Variants in DPP10 observed in about 807,000 individuals in gnomAD.
The protein encoded by DPP10 is dipeptidyl peptidase like 10, also known as inactive dipeptidyl peptidase 10.
Under a neutral mutation model 120.9 loss-of-function variants are expected in DPP10, and 33 were observed. The ratio of observed to expected loss-of-function variants is 0.27; its 90% confidence interval spans 0.21 to 0.37. The LOEUF (loss-of-function observed/expected upper bound fraction) is 0.37. DPP10 is among the 10% of genes least tolerant of loss of function. The pLI, the probability that DPP10 is intolerant of heterozygous loss-of-function variation, is 1.00. For missense variants in DPP10, 816 were observed against 942.8 expected (o/e 0.87, Z 1.76); for synonymous variants, 337 against 326.1 (o/e 1.03, Z -0.36).
At chr2:114,682,273 A>G (rs781700093) in intron 1 of DPP10, among the ~76,000 whole-genome samples, 2 of 151,942 alleles carry the variant, frequency 1.3e-5, no homozygotes, top group African/African-American at 2.4e-5. Context: ...TGAATTTGAA[A>G]TTAGCCAAAT....
chr2:115,734,104 A>G (rs2092975077), intron 8 of DPP10, among the ~76,000 whole-genome samples: 1 of 152,188 alleles, frequency 6.6e-6, no homozygotes, highest in African/African-American at 2.4e-5. Context: ...AGAAAGTCAC[A>G]AGGCTCTCTA....
chr2:115,631,563 C>G (rs958268838), intron 5 of DPP10, among the ~76,000 whole-genome samples: 6 of 152,084 alleles, frequency 3.9e-5, no homozygotes, highest in African/African-American at 1.4e-4. Context: ...TACAAATTTT[C>G]CTCTTAACAC....
chr2:114,554,708 T>C (rs1251848573), intron 1 of DPP10, among the ~76,000 whole-genome samples: 1 of 152,216 alleles, frequency 6.6e-6, no homozygotes, highest in African/African-American at 2.4e-5. Context: ...ACATCTCCCT[T>C]ATTGCCCATT....
intron 1 of DPP10, among the ~76,000 whole-genome samples, chr2:114,946,086 C>T (rs913725826): frequency 6.6e-6 from 1 of 152,122 alleles, no homozygotes; most frequent in East Asian, 1.9e-4. Flanking sequence ...CCTGAAAAGA[C>T]ATGTCAACTA....
chr2:114,645,250 A>G (rs892439347), intron 1 of DPP10, among the ~76,000 whole-genome samples: 3 of 152,104 alleles, frequency 2.0e-5, no homozygotes, highest in Non-Finnish European at 2.9e-5. Context: ...TGTTCTCTAT[A>G]TAGTATATTT....
At chr2:115,550,195 G>T (rs2079790614) in intron 5 of DPP10, among the ~76,000 whole-genome samples, 1 of 152,066 alleles carries the variant, frequency 6.6e-6, no homozygotes. Flanking sequence ...AAAATACATA[G>T]TTATAGAATC....
chr2:115,068,176 C>T (rs953488552), intron 1 of DPP10, among the ~76,000 whole-genome samples: 7 of 151,958 alleles, frequency 4.6e-5, no homozygotes, highest in African/African-American at 1.7e-4. Context: ...AATTTACAAT[C>T]CCACCAAGAA....
chr2:115,502,045 G>A (rs2060816188), intron 4 of DPP10, among the ~76,000 whole-genome samples: 1 of 151,806 alleles, frequency 6.6e-6, no homozygotes, highest in African/African-American at 2.4e-5. Context: ...ATAACAGAAT[G>A]GCCTGTTCTA....
chr2:115,452,124 T>C (rs1410657832), intron 3 of DPP10, among the ~76,000 whole-genome samples: 1 of 151,952 alleles, frequency 6.6e-6, no homozygotes, highest in Non-Finnish European at 1.5e-5. Flanking sequence ...TCTTTTCTCA[T>C]TACTCTTCTT....
intron 2 of DPP10, among the ~76,000 whole-genome samples, chr2:115,310,797 A>G (rs1334557318): frequency 2.0e-5 from 3 of 152,216 alleles, no homozygotes; most frequent in Non-Finnish European, 4.4e-5. Context: ...TAAAAAAAGA[A>G]TGAGTCGACA....
intron 1 of DPP10, among the ~76,000 whole-genome samples, chr2:115,071,980 A>G (rs1161706661): frequency 6.6e-6 from 1 of 152,234 alleles, no homozygotes; most frequent in Non-Finnish European, 1.5e-5. Context: ...AGAATTGTCC[A>G]GTTGTTCAAA....
At chr2:114,974,700 C>T (rs1699636586) in intron 1 of DPP10, among the ~76,000 whole-genome samples, 1 of 152,030 alleles carries the variant, frequency 6.6e-6, no homozygotes, top group South Asian at 2.1e-4. Flanking sequence ...AGCCACTGCA[C>T]CCAGCCGGGA....
chr2:115,133,145 G>GTGTGTGTGTGTA (rs1338395575), intron 1 of DPP10, among the ~76,000 whole-genome samples: 1 of 28,762 alleles, frequency 3.5e-5, no homozygotes, highest in African/African-American at 1.3e-4. Context: ...GTGTGTGTGT[G>GTGTGTGTGTGTA]TATATATATA....
chr2:114,674,920 G>A (rs908456761), intron 1 of DPP10, among the ~76,000 whole-genome samples: 1 of 152,138 alleles, frequency 6.6e-6, no homozygotes, highest in Admixed American at 6.6e-5. Context: ...ATTATCAGAA[G>A]CTTACTAAAA....
At chr2:115,411,429 A>G (rs1276868266) in intron 3 of DPP10, among the ~76,000 whole-genome samples, 4 of 152,154 alleles carry the variant, frequency 2.6e-5, no homozygotes, top group South Asian at 2.1e-4. Context: ...GTTTATTGGG[A>G]AAAAAAATTG....
chr2:115,235,540 T>G (rs2057953242), intron 1 of DPP10, among the ~76,000 whole-genome samples: 1 of 151,270 alleles, frequency 6.6e-6, no homozygotes, highest in Non-Finnish European at 1.5e-5. Flanking sequence ...AAGTTGACAG[T>G]TTTTTTTTGT....
intron 1 of DPP10, among the ~76,000 whole-genome samples, chr2:115,220,817 C>T (rs1283163526): frequency 6.6e-6 from 1 of 152,002 alleles, no homozygotes; most frequent in Non-Finnish European, 1.5e-5. Context: ...GTGCCATGCA[C>T]TGCACTACAT....
chr2:115,698,070 C>T (rs2091692247), intron 7 of DPP10, among the ~76,000 whole-genome samples: 1 of 152,168 alleles, frequency 6.6e-6, no homozygotes. Context: ...ACAGCGTACA[C>T]GTTCTTTCAC....
At chr2:114,630,929 ATG>A (rs1267369108) in intron 1 of DPP10, among the ~76,000 whole-genome samples, 1 of 151,968 alleles carries the variant, frequency 6.6e-6, no homozygotes, top group African/African-American at 2.4e-5. Flanking sequence ...AACATTTGAT[ATG>A]TGTCTCCCTA....
Sources: gnomAD v4.1 joint callset for allele counts (sites outside exome capture counted in the v4.1 genomes callset) on GRCh38, gnomAD v4.1.1 for gene constraint, MANE v1.5 for transcripts, NCBI Gene and HGNC (gene_info 2026-07-23, HGNC 2026-07-21) for gene names.